CLYBL: variants seen among roughly 807,000 people sequenced by gnomAD.
CLYBL encodes citramalyl-CoA lyase, mitochondrial.
A neutral mutation model predicts 38.9 loss-of-function variants in CLYBL; 31 were observed. The ratio of observed to expected loss-of-function variants is 0.80; its 90% CI spans 0.60 to 1.08. The LOEUF (loss-of-function observed/expected upper bound fraction) is 1.08, where lower values mean the gene tolerates loss of function less well. CLYBL is among the 50% of genes least tolerant of loss of function. The probability of loss-of-function intolerance (pLI) is 0.00; values close to 1 mark genes in which losing one functional copy is unlikely to be tolerated. For missense variants in CLYBL, 434 were observed against 411.6 expected (o/e 1.05, Z -0.47); for synonymous variants, 171 against 158.6 (o/e 1.08, Z -0.59).
At chr13:99,810,729 TG>T (rs1337191459) in intron 2 of CLYBL, among the ~76,000 whole-genome samples, 3 of 151,872 alleles carry the variant, frequency 2.0e-5, no homozygotes, top group Non-Finnish European at 4.4e-5. Flanking sequence ...GCTGGGCAGG[TG>T]TGGACGGGGA....
intron 1 of CLYBL, among the ~76,000 whole-genome samples, chr13:99,749,848 CA>C (rs373704722): frequency 0.013 from 1,897 of 149,662 alleles, 37 homozygotes; most frequent in African/African-American, 0.043. Context: ...CCATAGTAAC[CA>C]AAAAAAAATA....
intron 1 of CLYBL, among the ~76,000 whole-genome samples, chr13:99,610,227 C>T (rs2046605298): frequency 6.6e-6 from 1 of 152,192 alleles, no homozygotes; most frequent in African/African-American, 2.4e-5. Flanking sequence ...TGCATAGTTT[C>T]CTTTCGTTTT....
In CLYBL at chr13:99,665,569, C is replaced by T. The variant is rs976141357; in HGVS notation, c.62+58812C>T. ...ACACAGTAACCCTAAGAAAAGTCTC[C>T]ACATATGGTCCCAAAGGTTAAAAAA... On this transcript the variant is annotated intron_variant, in intron 1 of 8. Coordinates refer to ENST00000339105, the MANE Select transcript of CLYBL (RefSeq NM_206808.5). Among the ~76,000 whole-genome samples, 2 of 151,554 alleles carry T rather than the reference C, an allele frequency of 1.3e-5. 1 individual carries two copies. Among genetic ancestry groups the T allele is most frequent in the South Asian group, 4.2e-4 (2 of 4,792 alleles).
At chr13:99,819,465 T>TATATATAA (rs1366110606) in intron 2 of CLYBL, among the ~76,000 whole-genome samples, 687 of 58,572 alleles carry the variant, frequency 0.012, 64 homozygotes, top group South Asian at 0.024. Flanking sequence ...TATATATATA[T>TATATATAA]ATAATATTTG....
At chr13:99,736,882 A>G (rs1297043635) in intron 1 of CLYBL, among the ~76,000 whole-genome samples, 2 of 152,134 alleles carry the variant, frequency 1.3e-5, no homozygotes, top group Non-Finnish European at 2.9e-5. Context: ...CCTCATTTTC[A>G]TATTGCCAGA....
intron 7 of CLYBL, among the ~76,000 whole-genome samples, chr13:99,890,511 G>A (rs72656012): frequency 0.032 from 4,896 of 152,216 alleles, 121 homozygotes; most frequent in Middle Eastern, 0.099. Flanking sequence ...TGTCACTCAT[G>A]CTGGAGTGCA....
intron 2 of CLYBL, among the ~76,000 whole-genome samples, chr13:99,847,269 A>G (rs1433834597): frequency 1.3e-5 from 2 of 152,144 alleles, no homozygotes; most frequent in African/African-American, 4.8e-5. Context: ...AATTCATGGC[A>G]CCTTTGGAAA....
At chr13:99,714,618 A>AAAAT (rs923314169) in intron 1 of CLYBL, among the ~76,000 whole-genome samples, 15 of 151,872 alleles carry the variant, frequency 9.9e-5, no homozygotes, top group South Asian at 2.1e-4. Flanking sequence ...CTCCGTCTCA[A>AAAAT]AAATAAATAA....
chr13:99,752,348 G>A (rs2048973106), intron 1 of CLYBL, among the ~76,000 whole-genome samples: 1 of 152,100 alleles, frequency 6.6e-6, no homozygotes, highest in Admixed American at 6.5e-5. Context: ...TGCCAGACAT[G>A]GTGCTGTGAG....
At chr13:99,715,416 C>CT (rs55690124) in intron 1 of CLYBL, among the ~76,000 whole-genome samples, 12,928 of 141,252 alleles carry the variant, frequency 0.092, 646 homozygotes, top group South Asian at 0.14. Flanking sequence ...TTTTTCTTTT[C>CT]TTTTTTTTTT....
chr13:99,788,001 G>A (rs2049834803), intron 2 of CLYBL, among the ~76,000 whole-genome samples: 1 of 152,258 alleles, frequency 6.6e-6, no homozygotes, highest in East Asian at 1.9e-4. Context: ...CTCTCTGTTT[G>A]TCTGTTATTG....
chr13:99,901,377 T>C (rs2052639982), downstream of CLYBL, among the ~76,000 whole-genome samples: 1 of 152,122 alleles, frequency 6.6e-6, no homozygotes. Flanking sequence ...TAATTCTGTG[T>C]GTGTTTTGGA....
At chr13:99,837,746 G>A (rs890183750) in intron 2 of CLYBL, among the ~76,000 whole-genome samples, 1 of 152,204 alleles carries the variant, frequency 6.6e-6, no homozygotes. Flanking sequence ...GTGTGCACCA[G>A]CGCAGCAGCT....
At chr13:99,780,166 T>G (rs1483701240) in intron 2 of CLYBL, among the ~76,000 whole-genome samples, 1 of 152,200 alleles carries the variant, frequency 6.6e-6, no homozygotes, top group Non-Finnish European at 1.5e-5. Flanking sequence ...CCTGGCATAT[T>G]GATTCATCTA....
At chr13:99,728,367 C>T (rs1205919337) in intron 1 of CLYBL, among the ~76,000 whole-genome samples, 7 of 150,314 alleles carry the variant, frequency 4.7e-5, no homozygotes, top group Non-Finnish European at 1.0e-4. Flanking sequence ...CAACCTCCGT[C>T]TCCTGGGTTC....
chr13:99,905,857 C>G (rs960361884), intron 9 of CLYBL, among the ~76,000 whole-genome samples: 6 of 151,972 alleles, frequency 3.9e-5, no homozygotes, highest in African/African-American at 1.5e-4. Context: ...CCTCGACCTC[C>G]CCTGCTCAAG....
At chr13:99,842,057 A>G (rs1413042636) in intron 2 of CLYBL, among the ~76,000 whole-genome samples, 1 of 152,020 alleles carries the variant, frequency 6.6e-6, no homozygotes, top group Non-Finnish European at 1.5e-5. Flanking sequence ...ACCTCAGGTG[A>G]TCTGCCCACC....
intron 1 of CLYBL, among the ~76,000 whole-genome samples, chr13:99,684,985 G>A (rs984894224): frequency 8.5e-5 from 13 of 152,222 alleles, no homozygotes; most frequent in African/African-American, 3.1e-4. Flanking sequence ...CGTAATTGGA[G>A]TTCTTAGCAA....
At chr13:99,641,648 CAA>C (rs35893746) in intron 1 of CLYBL, among the ~76,000 whole-genome samples, 1 of 143,802 alleles carries the variant, frequency 7.0e-6, no homozygotes, top group African/African-American at 2.6e-5. Flanking sequence ...ACTAAAAATA[CAA>C]AAAAAAAAAA....
Sources: gnomAD v4.1 joint callset for allele counts (sites outside exome capture counted in the v4.1 genomes callset) on GRCh38, gnomAD v4.1.1 for gene constraint, MANE v1.5 for transcripts, NCBI Gene and HGNC (gene_info 2026-07-23, HGNC 2026-07-21) for gene names.